CNTN1: variants seen among roughly 807,000 people sequenced by gnomAD.
CNTN1 encodes contactin-1.
CNTN1 carries 38 observed loss-of-function variants against 126.4 expected under a neutral mutation model. The observed-to-expected ratio is 0.30, with a 90% CI of 0.23 to 0.39. The LOEUF (loss-of-function observed/expected upper bound fraction) is 0.39. Ranked by LOEUF, CNTN1 falls within the 10% of genes least tolerant of loss-of-function variation. CNTN1 has a pLI of 1.00. For missense variants in CNTN1, 1,009 were observed against 1,248.4 expected (o/e 0.81, Z 2.89); for synonymous variants, 413 against 422.6 (o/e 0.98, Z 0.28).
At chr12:40,834,443 TCATGATAGCAGATGG>T (rs1941971369) in intron 1 of CNTN1, among the ~76,000 whole-genome samples, 1 of 152,036 alleles carries the variant, frequency 6.6e-6, no homozygotes, top group Non-Finnish European at 1.5e-5. Flanking sequence ...AAGATACTAG[TCATGATAGCAGATGG>T]AAGGGCAGCA....
chr12:40,886,279 A>G (rs1409020902), intron 1 of CNTN1, among the ~76,000 whole-genome samples: 4 of 152,142 alleles, frequency 2.6e-5, no homozygotes, highest in Admixed American at 2.0e-4. Flanking sequence ...AACAGACCAG[A>G]CAGCGATGGG....
At chr12:41,008,380 A>G (rs1193496936) in intron 17 of CNTN1, among the ~76,000 whole-genome samples, 7 of 151,992 alleles carry the variant, frequency 4.6e-5, no homozygotes, top group African/African-American at 1.5e-4. Context: ...GCTGTACTTT[A>G]TCAGAAGTGT....
chr12:41,015,454 C>A (rs967477290), intron 18 of CNTN1, among the ~76,000 whole-genome samples: 2 of 152,070 alleles, frequency 1.3e-5, no homozygotes, highest in African/African-American at 4.8e-5. Flanking sequence ...ATTTTCATAG[C>A]TGATTCTGTT....
At chr12:40,830,832 T>TATATATATAC (rs1555165566) in intron 1 of CNTN1, among the ~76,000 whole-genome samples, 12 of 88,680 alleles carry the variant, frequency 1.4e-4, no homozygotes, top group Non-Finnish European at 2.7e-4. Flanking sequence ...TATATATATA[T>TATATATATAC]ATACTCTTTA....
At chr12:41,055,961 G>A (rs1949793095) in intron 23 of CNTN1, among the ~76,000 whole-genome samples, 1 of 152,096 alleles carries the variant, frequency 6.6e-6, no homozygotes, top group South Asian at 2.1e-4. Context: ...ATGCAGAGTA[G>A]TTAAGTTGTA....
intron 1 of CNTN1, among the ~76,000 whole-genome samples, chr12:40,826,646 A>G (rs1411071465): frequency 1.3e-5 from 2 of 152,278 alleles, no homozygotes; most frequent in South Asian, 2.1e-4. Context: ...CAGCACCCCT[A>G]CTACCTTCAA....
At position 41,071,294 on chromosome 12, in the gene CNTN1, G is replaced by A. The variant is rs889886733; in HGVS notation, c.*1259G>A. 1.3e-5 allele frequency: 2 copies of A among 152,112 alleles called. No homozygotes were observed. The highest frequency in any genetic ancestry group is 2.9e-5 in the Non-Finnish European group (2 of 68,022). The allele number at this position is 152,112 out of a possible 1,614,324, so 9.4% of individuals were successfully genotyped here. On this transcript the variant is annotated 3_prime_UTR_variant, in exon 24 of 24. Coordinates refer to ENST00000551295, the MANE Select transcript of CNTN1 (RefSeq NM_001843.4). Reference sequence around the variant, plus strand: ...GGTTTTTATAAGTTGTGAAAAGGAAGATGCACATTTCTTCATTCTCCATGG... The same window carrying A: ...GGTTTTTATAAGTTGTGAAAAGGAAAATGCACATTTCTTCATTCTCCATGG...
chr12:40,719,296 CTTTGA>C (rs1396789844), intron 1 of CNTN1, among the ~76,000 whole-genome samples: 1 of 152,176 alleles, frequency 6.6e-6, no homozygotes, highest in African/African-American at 2.4e-5. Context: ...TTAATAGTTA[CTTTGA>C]TTTAAGATTG....
At chr12:41,054,394 C>T (rs1300573659) in intron 23 of CNTN1, among the ~76,000 whole-genome samples, 1 of 151,810 alleles carries the variant, frequency 6.6e-6, no homozygotes, top group Non-Finnish European at 1.5e-5. Flanking sequence ...ACCTATTTTT[C>T]ATGGAACATA....
chr12:40,822,903 C>A (rs911138131), intron 1 of CNTN1, among the ~76,000 whole-genome samples: 2 of 152,128 alleles, frequency 1.3e-5, no homozygotes, highest in African/African-American at 2.4e-5. Flanking sequence ...ACCCACTTCT[C>A]CCTGTCCCTC....
intron 1 of CNTN1, among the ~76,000 whole-genome samples, chr12:40,725,452 G>C (rs1013252578): frequency 4.1e-5 from 6 of 146,442 alleles, no homozygotes; most frequent in South Asian, 2.2e-4. Flanking sequence ...AATTTGTAAT[G>C]GGAAATTTTT....
At chr12:41,029,986 A>G (rs182757539) in intron 23 of CNTN1, among the ~76,000 whole-genome samples, 1 of 152,068 alleles carries the variant, frequency 6.6e-6, no homozygotes, top group East Asian at 1.9e-4. Context: ...GTTTAATTAT[A>G]CTGAATTTCA....
At chr12:40,827,933 G>A (rs1941670648) in intron 1 of CNTN1, 1 of 152,044 alleles carries the variant, frequency 6.6e-6, no homozygotes, top group Admixed American at 6.6e-5. Flanking sequence ...TTGTGAAGTC[G>A]CCTCAGATAG....
chr12:40,857,727 G>C (rs1942963454), intron 1 of CNTN1, among the ~76,000 whole-genome samples: 1 of 152,116 alleles, frequency 6.6e-6, no homozygotes, highest in Non-Finnish European at 1.5e-5. Context: ...GGAAAAGTCA[G>C]TCATTGTCAC....
chr12:41,048,873 A>G (rs969397689), intron 23 of CNTN1, among the ~76,000 whole-genome samples: 1 of 152,198 alleles, frequency 6.6e-6, no homozygotes, highest in African/African-American at 2.4e-5. Context: ...GTAAAATTCA[A>G]CAAATAATTT....
intron 15 of CNTN1, among the ~76,000 whole-genome samples, chr12:40,969,997 T>C (rs1947448454): frequency 6.6e-6 from 1 of 152,126 alleles, no homozygotes; most frequent in South Asian, 2.1e-4. Context: ...TTAGCGACTC[T>C]CAATAATGAG....
intron 3 of CNTN1, 132 bp from the exon 4 acceptor site, chr12:40,918,507 C>G: frequency 2.5e-6 from 2 of 792,360 alleles, no homozygotes; most frequent in Non-Finnish European, 2.1e-6. Flanking sequence ...ATTATGGAGG[C>G]AAATATCTTT....
intron 9 of CNTN1, among the ~76,000 whole-genome samples, chr12:40,934,391 C>A (rs1946008499): frequency 6.6e-6 from 1 of 151,236 alleles, no homozygotes; most frequent in Non-Finnish European, 1.5e-5. Context: ...TAATATTGGT[C>A]CTGGAGTCAC....
rs768847583 is a variant in CNTN1 at position 41,029,156 on chromosome 12, G to A, written c.2917G>A (p.Val973Ile). Residue 973 changes from valine to isoleucine, a missense_variant, in exon 23 of 24, where the codon GTT becomes ATT. Val to Ile is a conservative substitution (Grantham distance 29, BLOSUM62 3). Coordinates refer to ENST00000551295, the MANE Select transcript of CNTN1 (RefSeq NM_001843.4). Reference protein sequence around the residue: ...EVPIPRDGEYVVEVRAHSDGG... With the variant: ...EVPIPRDGEYIVEVRAHSDGG... ...CCCAATCCCCAGAGATGGAGAATAC[G>A]TTGTGGAGGTTCGCGCGCACAGTGA... 74 of 1,613,938 alleles carry A rather than the reference G, an allele frequency of 4.6e-5. No individual in the cohort carries two copies. Among genetic ancestry groups the A allele is most frequent in the Admixed American group, 2.0e-4 (12 of 59,990 alleles).
Sources: allele counts gnomAD v4.1 joint callset (sites outside exome capture counted in the v4.1 genomes callset), GRCh38; gene constraint gnomAD v4.1.1; transcripts MANE v1.5; gene names NCBI Gene and HGNC (gene_info 2026-07-23, HGNC 2026-07-21).